The following PLCB1 variants were observed in gnomAD, a reference collection of about 807,000 sequenced individuals.
PLCB1 encodes 1-phosphatidylinositol 4,5-bisphosphate phosphodiesterase beta-1.
A neutral mutation model predicts 161.8 loss-of-function variants in PLCB1; 46 were observed. The observed-to-expected ratio is 0.28, with a 90% CI of 0.22 to 0.36. The LOEUF is 0.36. Among genes scored for constraint, PLCB1 ranks in the 10% least tolerant of loss-of-function variants. PLCB1 has a pLI of 1.00. For missense variants in PLCB1, 1,016 were observed against 1,472.5 expected, an observed-to-expected ratio of 0.69 and a Z score of 5.07; for synonymous variants, 517 against 503.7, an observed-to-expected ratio of 1.03 and a Z score of -0.35.
chr20:8,261,841 GATTA>G (rs1260572796), intron 2 of PLCB1, among the ~76,000 whole-genome samples: 3 of 152,120 alleles, frequency 2.0e-5, no homozygotes, highest in African/African-American at 7.2e-5. Context: ...TTAGTATTGA[GATTA>G]ATTCTCATTG....
At chr20:8,364,411 C>T (rs1257314875) in intron 2 of PLCB1, among the ~76,000 whole-genome samples, 1 of 152,124 alleles carries the variant, frequency 6.6e-6, no homozygotes, top group African/African-American at 2.4e-5. Flanking sequence ...CCCACTTTTT[C>T]CCCAATTTAT....
At chr20:8,180,983 G>A (rs183099051) in intron 2 of PLCB1, among the ~76,000 whole-genome samples, 277 of 151,048 alleles carry the variant, frequency 1.8e-3, no homozygotes, top group African/African-American at 6.2e-3. Context: ...GTATGTGTGC[G>A]TGTGTGTGTA....
chr20:8,486,784 C>T (rs973650654), intron 3 of PLCB1, among the ~76,000 whole-genome samples: 2 of 152,226 alleles, frequency 1.3e-5, no homozygotes, highest in Admixed American at 1.3e-4. Flanking sequence ...CGTGAGCCAC[C>T]GCGCCCGGCC....
At chr20:8,288,482 G>T (rs971500422) in intron 2 of PLCB1, among the ~76,000 whole-genome samples, 1 of 152,198 alleles carries the variant, frequency 6.6e-6, no homozygotes, top group Admixed American at 6.5e-5. Context: ...TAAAGTAAAG[G>T]TGGGACAGAA....
intron 5 of PLCB1, 50 bp from the exon 6 acceptor site, chr20:8,647,850 A>G (rs1191376795): frequency 4.8e-6 from 7 of 1,456,540 alleles, no homozygotes; most frequent in African/African-American, 4.2e-5. Flanking sequence ...TTCAAGAAAA[A>G]AAAGCTTTTT....
intron 3 of PLCB1, among the ~76,000 whole-genome samples, chr20:8,516,739 A>C (rs1984144066): frequency 7.0e-6 from 1 of 142,682 alleles, no homozygotes; most frequent in Non-Finnish European, 1.5e-5. Flanking sequence ...ATATACTACT[A>C]GTCAGTCACC....
chr20:8,512,974 C>T (rs1983955646), intron 3 of PLCB1, among the ~76,000 whole-genome samples: 1 of 152,118 alleles, frequency 6.6e-6, no homozygotes, highest in South Asian at 2.1e-4. Context: ...CGTCTGGTAG[C>T]TACCATTCTA....
At chr20:8,431,024 G>A (rs1208853927) in intron 3 of PLCB1, among the ~76,000 whole-genome samples, 1 of 151,874 alleles carries the variant, frequency 6.6e-6, no homozygotes, top group African/African-American at 2.4e-5. Flanking sequence ...GTAGTTTGAC[G>A]TATTAAAGAG....
chr20:8,852,068 A>G (rs889395962), intron 31 of PLCB1, among the ~76,000 whole-genome samples: 1 of 152,226 alleles, frequency 6.6e-6, no homozygotes, highest in Non-Finnish European at 1.5e-5. Context: ...TATAGACTGT[A>G]TGACTGTTTA....
At chr20:8,733,141 C>G in intron 18 of PLCB1, 97 bp from the exon 19 acceptor site, 1 of 1,262,628 alleles carries the variant, frequency 7.9e-7, no homozygotes, top group Non-Finnish European at 1.1e-6. Flanking sequence ...GGAATACAGT[C>G]ACAAAAGTGG....
chr20:8,648,269 C>T (rs1164143754), intron 6 of PLCB1, among the ~76,000 whole-genome samples: 2 of 152,152 alleles, frequency 1.3e-5, no homozygotes, highest in Admixed American at 6.5e-5. Context: ...GGAAATTGGC[C>T]GACCTCAGTG....
At chr20:8,145,016 T>A (rs1236295562) in intron 1 of PLCB1, among the ~76,000 whole-genome samples, 2 of 152,208 alleles carry the variant, frequency 1.3e-5, no homozygotes, top group Admixed American at 1.3e-4. Context: ...GCCCTTGACA[T>A]GAGCCTTGAG....
chr20:8,735,634 G>T (rs1479046589), intron 19 of PLCB1, among the ~76,000 whole-genome samples: 2 of 152,166 alleles, frequency 1.3e-5, no homozygotes, highest in Admixed American at 1.3e-4. Context: ...ATTTAGTTTA[G>T]GACTCTGCTT....
intron 3 of PLCB1, among the ~76,000 whole-genome samples, chr20:8,529,231 C>T (rs751697733): frequency 2.6e-5 from 4 of 151,850 alleles, no homozygotes; most frequent in Non-Finnish European, 4.4e-5. Flanking sequence ...TATCATTTTC[C>T]AAAAGATTAA....
At chr20:8,416,949 C>CAT (rs1979303679) in intron 3 of PLCB1, among the ~76,000 whole-genome samples, 1 of 148,420 alleles carries the variant, frequency 6.7e-6, no homozygotes, top group Non-Finnish European at 1.5e-5. Context: ...CACACACACA[C>CAT]ACACACACAC....
At chr20:8,168,612 T>C (rs1053572201) in intron 2 of PLCB1, among the ~76,000 whole-genome samples, 2 of 152,140 alleles carry the variant, frequency 1.3e-5, no homozygotes, top group Non-Finnish European at 2.9e-5. Context: ...TTTTCAGACA[T>C]ATTGAGGAAT....
intron 3 of PLCB1, among the ~76,000 whole-genome samples, chr20:8,514,261 G>A (rs556156873): frequency 1.3e-4 from 19 of 151,332 alleles, no homozygotes; most frequent in African/African-American, 3.2e-4. Context: ...GCAACACGGC[G>A]AAACCCTGTC....
intron 31 of PLCB1, among the ~76,000 whole-genome samples, chr20:8,854,484 C>CT (rs1986999388): frequency 6.6e-6 from 1 of 152,228 alleles, no homozygotes; most frequent in East Asian, 1.9e-4. Context: ...CTCCTCTTCT[C>CT]CCGGGTCCAG....
rs1391323756 is a variant in PLCB1 at position 8,823,127 on chromosome 20, G to GT, written c.3423+32872dup. On this transcript the variant is annotated intron_variant, in intron 31 of 31. Transcript: ENST00000338037. Reference sequence around the variant, plus strand: ...TATGCAAATACTACACCCCTTTTTTGTTTTTTGTTTTTTGAGACAGAGTCT... The same window carrying GT: ...TATGCAAATACTACACCCCTTTTTTGTTTTTTTGTTTTTTGAGACAGAGTCT... Among the ~76,000 whole-genome samples, 7 of 150,068 alleles carry GT rather than the reference G, an allele frequency of 4.7e-5. No individual in the cohort carries two copies. In the East Asian group the frequency reaches 9.7e-4, roughly 21 times the overall value.
Sources: allele counts gnomAD v4.1 joint callset (sites outside exome capture counted in the v4.1 genomes callset), GRCh38; gene constraint gnomAD v4.1.1; transcripts MANE v1.5; gene names NCBI Gene and HGNC (gene_info 2026-07-23, HGNC 2026-07-21).